The following PRUNE2 variants were observed in gnomAD, a reference collection of about 807,000 sequenced individuals.
PRUNE2 encodes protein prune homolog 2.
A neutral mutation model predicts 252.0 loss-of-function variants in PRUNE2; 164 were observed. The ratio of observed to expected loss-of-function variants is 0.65; its 90% CI spans 0.57 to 0.74. PRUNE2 has a LOEUF of 0.74. PRUNE2 is among the 30% of genes least tolerant of loss of function. The pLI, the probability that PRUNE2 is intolerant of heterozygous loss-of-function variation, is 0.00. For synonymous variants in PRUNE2, 1,292 were observed against 1,350.2 expected, an observed-to-expected ratio of 0.96 and a Z score of 0.94; for missense variants, 3,495 against 3,711.0, an observed-to-expected ratio of 0.94 and a Z score of 1.51.
intron 6 of PRUNE2, among the ~76,000 whole-genome samples, chr9:76,714,421 G>T (rs659003): frequency 0.49 from 74,782 of 152,000 alleles, 20,255 homozygotes; most frequent in Middle Eastern, 0.69. Context: ...TTGAGACAGG[G>T]TCTCACACTG....
rs114418158 is a variant in PRUNE2 at position 76,655,109 on chromosome 9, C to T, written c.8356+314G>A. Among the ~76,000 whole-genome samples the T allele has an allele frequency of 3.2e-3, 492 of 152,136 alleles. 2 individuals carry two copies. Among genetic ancestry groups the T allele is most frequent in the African/African-American group, 0.011 (458 of 41,492 alleles). On this transcript the variant is annotated intron_variant, in intron 10 of 18. Coordinates refer to ENST00000376718, the MANE Select transcript of PRUNE2 (RefSeq NM_015225.3). Reference sequence around the variant, plus strand: ...ACATTCTTACAATTATGTGTAAATGCGGAGAACTTAGACATTAGTCAGAAT... The same window carrying T: ...ACATTCTTACAATTATGTGTAAATGTGGAGAACTTAGACATTAGTCAGAAT...
intron 6 of PRUNE2, among the ~76,000 whole-genome samples, chr9:76,735,685 ATACT>A (rs2049015308): frequency 1.3e-5 from 2 of 152,196 alleles, no homozygotes; most frequent in African/African-American, 2.4e-5. Flanking sequence ...AAGTGTAACA[ATACT>A]TAAAGAGAAA....
At position 76,706,482 on chromosome 9, in the gene PRUNE2, A is replaced by T. The variant is rs2046323369; in HGVS notation, c.5792T>A (p.Ile1931Asn). ...TTGCTCTCTTGAGTCCTTTTCTTTA[A>T]TTTGGTCTAATTTTACAAGCTGGCT... is the stretch of plus-strand genomic sequence containing the variant. ...KFSQLVKLDQIKEKDSREQTF... is the reference protein window; with the variant it reads ...KFSQLVKLDQNKEKDSREQTF... Residue 1931 changes from isoleucine to asparagine, a missense_variant, in exon 8 of 19, where the codon ATT (isoleucine) becomes AAT (asparagine). Ile to Asn is a moderately radical substitution (Grantham distance 149). Coordinates refer to ENST00000376718, the MANE Select transcript of PRUNE2 (RefSeq NM_015225.3). The T allele has an allele frequency of 6.2e-7, 1 of 1,613,884 alleles. No individual in the cohort carries two copies. Among genetic ancestry groups the T allele is most frequent in the Non-Finnish European group, 8.5e-7 (1 of 1,179,878 alleles).
intron 1 of PRUNE2, among the ~76,000 whole-genome samples, chr9:76,897,299 T>A (rs565560346): frequency 6.6e-6 from 1 of 150,828 alleles, no homozygotes; most frequent in Non-Finnish European, 1.5e-5. Flanking sequence ...GTGCTTATGG[T>A]ATGAGGAAGA....
chr9:76,631,234 A>G (rs540061529), intron 15 of PRUNE2, among the ~76,000 whole-genome samples: 1 of 152,214 alleles, frequency 6.6e-6, no homozygotes, highest in Non-Finnish European at 1.5e-5. Flanking sequence ...ACTGAGAGGG[A>G]AAAGAAGTCA....
intron 1 of PRUNE2, among the ~76,000 whole-genome samples, chr9:76,871,506 G>C (rs371547943): frequency 1.3e-5 from 2 of 152,244 alleles, no homozygotes; most frequent in East Asian, 3.8e-4. Flanking sequence ...TGTGTCTAGT[G>C]CTTTGGTAAT....
chr9:76,897,149 G>C (rs2133634979), intron 1 of PRUNE2, among the ~76,000 whole-genome samples: 1 of 152,238 alleles, frequency 6.6e-6, no homozygotes, highest in East Asian at 1.9e-4. Context: ...CAACACAGAA[G>C]AATGAACCCC....
chr9:76,901,246 T>C (rs1726127890), intron 1 of PRUNE2, among the ~76,000 whole-genome samples: 3 of 152,304 alleles, frequency 2.0e-5, no homozygotes, highest in East Asian at 1.9e-4. Flanking sequence ...CAAGGGTTCA[T>C]TCCTCATCAG....
chr9:76,893,010 T>C (rs1056226282), intron 1 of PRUNE2, among the ~76,000 whole-genome samples: 1 of 152,194 alleles, frequency 6.6e-6, no homozygotes, highest in African/African-American at 2.4e-5. Flanking sequence ...CTTGAGATCC[T>C]TCATGACAAA....
chr9:76,764,870 T>G (rs907530867), intron 6 of PRUNE2, among the ~76,000 whole-genome samples: 1 of 152,196 alleles, frequency 6.6e-6, no homozygotes, highest in African/African-American at 2.4e-5. Flanking sequence ...TTTTGTCTGT[T>G]TCATCACTAC....
intron 9 of PRUNE2, among the ~76,000 whole-genome samples, chr9:76,693,738 G>A (rs183578739): frequency 1.9e-4 from 29 of 152,228 alleles, no homozygotes; most frequent in African/African-American, 5.8e-4. Context: ...CACTGCGCCC[G>A]GCCTTAGCTC....
At chr9:76,652,339 A>G in intron 11 of PRUNE2, 144 bp downstream of exon 11, 1 of 658,396 alleles carries the variant, frequency 1.5e-6, no homozygotes, top group East Asian at 2.5e-5. Flanking sequence ...CAAACTGTCA[A>G]TCATGGCCAC....
In PRUNE2 at chr9:76,704,057, ATTG is replaced by A. The variant is rs769211964; in HGVS notation, c.7553_7555del (p.Thr2518del). On this transcript the variant is annotated inframe_deletion, in exon 9 of 19. Transcript: ENST00000376718. ...TATCTGCTCAGGCTCTTTGGTAGGA[ATTG>A]TTTTTTCTTCTTCCAATTCTGATAT... 3 of 1,602,684 alleles carry A rather than the reference ATTG, an allele frequency of 1.9e-6. No homozygotes were observed. Among genetic ancestry groups the A allele is most frequent in the South Asian group, 2.2e-5 (2 of 88,952 alleles).
At chr9:76,835,433 G>A (rs2058906227) in intron 4 of PRUNE2, among the ~76,000 whole-genome samples, 1 of 151,852 alleles carries the variant, frequency 6.6e-6, no homozygotes, top group African/African-American at 2.4e-5. Context: ...TGTCTGAAGA[G>A]GTATAAAAAG....
At chr9:76,615,918 C>A (rs1053720402) in intron 18 of PRUNE2, among the ~76,000 whole-genome samples, 1 of 151,618 alleles carries the variant, frequency 6.6e-6, no homozygotes, top group Non-Finnish European at 1.5e-5. Context: ...TACAGGCAGA[C>A]GCCACCATGC....
chr9:76,681,916 C>T (rs1230897505), intron 9 of PRUNE2, among the ~76,000 whole-genome samples: 1 of 152,138 alleles, frequency 6.6e-6, no homozygotes, highest in African/African-American at 2.4e-5. Flanking sequence ...GACACAATGT[C>T]ACCTTGAAAT....
chr9:76,790,055 G>C, intron 6 of PRUNE2, among the ~76,000 whole-genome samples: 1 of 152,086 alleles, frequency 6.6e-6, no homozygotes, highest in South Asian at 2.1e-4. Flanking sequence ...TTTCCAGATG[G>C]GCCAATAAAA....
At chr9:76,716,181 T>G (rs1362995977) in intron 6 of PRUNE2, among the ~76,000 whole-genome samples, 5 of 152,208 alleles carry the variant, frequency 3.3e-5, no homozygotes, top group African/African-American at 1.2e-4. Flanking sequence ...GCCACACTTG[T>G]GGAAAGTTTC....
At chr9:76,640,526 C>T (rs1028899807) in intron 12 of PRUNE2, among the ~76,000 whole-genome samples, 6 of 152,122 alleles carry the variant, frequency 3.9e-5, no homozygotes, top group African/African-American at 1.4e-4. Context: ...ACTGATGCAA[C>T]ACATGTTTGT....
Sources: allele counts gnomAD v4.1 joint callset (sites outside exome capture counted in the v4.1 genomes callset), GRCh38; gene constraint gnomAD v4.1.1; transcripts MANE v1.5; gene names NCBI Gene and HGNC (gene_info 2026-07-23, HGNC 2026-07-21).